Variants in CXADR observed in about 807,000 individuals in gnomAD.
CXADR encodes CXADR cell adhesion molecule, also known as coxsackievirus and adenovirus receptor.
CXADR carries 20 observed loss-of-function variants against 40.3 expected under a neutral mutation model. The observed-to-expected ratio is 0.50, with a 90% CI of 0.35 to 0.72. CXADR has a LOEUF of 0.72. CXADR is among the 30% of genes least tolerant of loss of function. The probability of loss-of-function intolerance (pLI) is 0.01; values close to 1 mark genes in which losing one functional copy is unlikely to be tolerated. For missense variants in CXADR, 332 were observed against 449.1 expected, an observed-to-expected ratio of 0.74 and a Z score of 2.36; for synonymous variants, 150 against 161.3, an observed-to-expected ratio of 0.93 and a Z score of 0.53.
At chr21:17,572,262 C>G (rs2061283858), downstream of CXADR, among the ~76,000 whole-genome samples, 1 of 794 alleles carries the variant, frequency 1.3e-3, no homozygotes. Flanking sequence ...TCCTAACTAT[C>G]TGGGAGGCTG....
rs1179591660 is a variant in CXADR at position 17,562,216 on chromosome 21, T to C, written c.833+740T>C. ...CCTCAGTGAGTCTTAATCTCTCTGC[T>C]GGTGGAAGGTCATGCCTCACTGTTG... On this transcript the variant is annotated intron_variant, in intron 6 of 6. Coordinates refer to ENST00000284878, the MANE Select transcript of CXADR (RefSeq NM_001338.5). Among the ~76,000 whole-genome samples the C allele has an allele frequency of 3.9e-5, 6 of 152,224 alleles. No homozygotes were observed. In the East Asian group the frequency reaches 1.2e-3, roughly 29 times the overall value.
At chr21:17,527,520 T>A (rs538020698) in intron 1 of CXADR, among the ~76,000 whole-genome samples, 1 of 152,214 alleles carries the variant, frequency 6.6e-6, no homozygotes, top group Admixed American at 6.5e-5. Flanking sequence ...CTTCAGGAGA[T>A]TTAAATGAGT....
At chr21:17,619,147 T>C in the CXADR span, among the ~76,000 whole-genome samples, 2 of 152,188 alleles carry the variant, frequency 1.3e-5, no homozygotes, top group Admixed American at 6.5e-5. Context: ...GCATAATTCT[T>C]AAGGGCCCTA....
the CXADR span, among the ~76,000 whole-genome samples, chr21:17,623,940 G>T: frequency 6.6e-6 from 1 of 152,140 alleles, no homozygotes; most frequent in East Asian, 1.9e-4. Flanking sequence ...TATGTCCATT[G>T]TAATTTCCCT....
intron 6 of CXADR, among the ~76,000 whole-genome samples, chr21:17,564,345 A>G (rs1462257151): frequency 6.6e-6 from 1 of 151,882 alleles, no homozygotes; most frequent in Non-Finnish European, 1.5e-5. Context: ...GGAAAAAGAA[A>G]AAGATACAAT....
downstream of CXADR, chr21:17,598,572 C>A: frequency 6.5e-7 from 1 of 1,540,174 alleles, no homozygotes; most frequent in Admixed American, 1.7e-5. Flanking sequence ...AAGGTCCTGG[C>A]AATCCCTGCA....
the CXADR span, among the ~76,000 whole-genome samples, chr21:17,632,325 A>G: frequency 7.9e-6 from 1 of 125,858 alleles, no homozygotes; most frequent in Admixed American, 7.6e-5. Flanking sequence ...GTCTGTGAAA[A>G]ACAAAGTTTA....
At chr21:17,623,054 C>T in the CXADR span, among the ~76,000 whole-genome samples, 1 of 152,108 alleles carries the variant, frequency 6.6e-6, no homozygotes, top group Admixed American at 6.5e-5. Context: ...ATCCTCCCAC[C>T]TCAGCCTCCT....
downstream of CXADR, among the ~76,000 whole-genome samples, chr21:17,571,317 A>C (rs1338729257): frequency 6.6e-6 from 1 of 152,244 alleles, no homozygotes; most frequent in South Asian, 2.1e-4. Flanking sequence ...TGATATAATA[A>C]TGAAAGTTCT....
Position 17,569,430 on chromosome 21 carries a change from G to A in CXADR, c.*3738G>A. 1.0e-6 allele frequency: 1 copy of A among 984,806 alleles called. No homozygotes were observed. The highest frequency in any genetic ancestry group is 1.2e-6 in the Non-Finnish European group (1 of 829,838). 61.0% of individuals were successfully genotyped at this position (984,806 alleles called of 1,614,324 possible). A position where few individuals can be genotyped will look rare whatever the true frequency, so the allele number is the denominator to read the frequency against. ...GTGTTTAGTAGTGTAAATGTTCTGG[G>A]CAAGTTTTAATATTTTGAATGCCTT... On this transcript the variant is annotated 3_prime_UTR_variant, in exon 7 of 7. Coordinates refer to ENST00000284878, the MANE Select transcript of CXADR (RefSeq NM_001338.5).
the CXADR span, among the ~76,000 whole-genome samples, chr21:17,621,008 TA>T: frequency 2.0e-5 from 3 of 152,200 alleles, no homozygotes; most frequent in Non-Finnish European, 2.9e-5. Flanking sequence ...ATTTCTTCTC[TA>T]AAAAACCTCA....
At chr21:17,584,421 C>T (rs1459211726) in intron 7 of CXADR, among the ~76,000 whole-genome samples, 1 of 152,206 alleles carries the variant, frequency 6.6e-6, no homozygotes, top group African/African-American at 2.4e-5. Flanking sequence ...TACACATCAT[C>T]GTGCCATCCT....
At chr21:17,598,948 T>C in the CXADR span, 1 of 733,530 alleles carries the variant, frequency 1.4e-6, no homozygotes, top group Non-Finnish European at 2.2e-6. Flanking sequence ...ATCACAGAAC[T>C]TGACCCTACA....
the CXADR span, among the ~76,000 whole-genome samples, chr21:17,600,670 A>C: frequency 6.6e-6 from 1 of 152,016 alleles, no homozygotes; most frequent in South Asian, 2.1e-4. Context: ...AAAACAAAAA[A>C]ACAAGAACAA....
intron 1 of CXADR, among the ~76,000 whole-genome samples, chr21:17,531,603 T>A (rs1270376857): frequency 2.0e-5 from 3 of 152,226 alleles, no homozygotes; most frequent in Non-Finnish European, 4.4e-5. Flanking sequence ...GTCTCAGACT[T>A]GGACCAGTCT....
Position 17,569,755 on chromosome 21 carries a change from C to A in CXADR, c.*4063C>A, listed in dbSNP as rs757548882. ...CATATCAGTTGGGTTTGGTTTTGGT[C>A]ATCGAGACTAAAAGCTCCATCAAAA... On this transcript the variant is annotated 3_prime_UTR_variant, in exon 7 of 7. Transcript: ENST00000284878. The A allele has an allele frequency of 2.5e-5, 25 of 983,934 alleles. No individual in the cohort carries two copies. The highest frequency in any genetic ancestry group is 3.0e-5 in the Non-Finnish European group (25 of 828,786). The allele number at this position is 983,934 out of a possible 1,614,324, so 61.0% of individuals were successfully genotyped here. A position where few individuals can be genotyped will look rare whatever the true frequency, so the allele number is the denominator to read the frequency against.
downstream of CXADR, among the ~76,000 whole-genome samples, chr21:17,575,028 CATACATACATACATACATACATAA>C (rs1431434801): frequency 3.3e-5 from 5 of 151,572 alleles, no homozygotes; most frequent in Non-Finnish European, 7.4e-5. Context: ...TACATACATA[CATACATACATACATACATACATAA>C]GGGTTGATAT....
chr21:17,588,226 T>G (rs1946355490), intron 7 of CXADR, among the ~76,000 whole-genome samples: 1 of 152,216 alleles, frequency 6.6e-6, no homozygotes, highest in Non-Finnish European at 1.5e-5. Flanking sequence ...GGCTCTTTTT[T>G]GGTTCCATAT....
At chr21:17,515,393 G>C (rs2060447397) in intron 1 of CXADR, among the ~76,000 whole-genome samples, 1 of 152,008 alleles carries the variant, frequency 6.6e-6, no homozygotes, top group Non-Finnish European at 1.5e-5. Flanking sequence ...AGCTCATGAG[G>C]TCTAAGATCA....
Sources: gnomAD v4.1 joint callset for allele counts (sites outside exome capture counted in the v4.1 genomes callset) on GRCh38, gnomAD v4.1.1 for gene constraint, MANE v1.5 for transcripts, NCBI Gene and HGNC (gene_info 2026-07-23, HGNC 2026-07-21) for gene names.